SHISA9: variants seen among roughly 807,000 people sequenced by gnomAD.
SHISA9 encodes protein shisa-9.
SHISA9 carries 13 observed loss-of-function variants against 38.0 expected under a neutral mutation model. That is an observed-to-expected ratio of 0.34 (90% confidence interval 0.22 to 0.54). The LOEUF (loss-of-function observed/expected upper bound fraction) is 0.54, where lower values mean the gene tolerates loss of function less well. SHISA9 is among the 20% of genes least tolerant of loss of function. SHISA9 has a pLI of 0.91. For missense variants in SHISA9, 538 were observed against 575.8 expected, an observed-to-expected ratio of 0.93 and a Z score of 0.67; for synonymous variants, 275 against 242.0, an observed-to-expected ratio of 1.14 and a Z score of -1.27.
chr16:13,148,244 C>T (rs2050465115), intron 2 of SHISA9, among the ~76,000 whole-genome samples: 1 of 152,114 alleles, frequency 6.6e-6, no homozygotes, highest in South Asian at 2.1e-4. Flanking sequence ...CCCGAATATA[C>T]ACAAACACAT....
chr16:13,021,916 G>T (rs1403562140), intron 2 of SHISA9, among the ~76,000 whole-genome samples: 2 of 152,198 alleles, frequency 1.3e-5, no homozygotes, highest in Non-Finnish European at 2.9e-5. Flanking sequence ...ACACTGCATG[G>T]TTTTGAAACA....
chr16:13,245,226 A>T (rs943757045), downstream of SHISA9, among the ~76,000 whole-genome samples: 6 of 152,240 alleles, frequency 3.9e-5, no homozygotes, highest in African/African-American at 1.4e-4. Flanking sequence ...CTTATTGCCC[A>T]CATTTATAAT....
intron 2 of SHISA9, among the ~76,000 whole-genome samples, chr16:13,002,569 G>A (rs1226954983): frequency 1.6e-5 from 2 of 128,168 alleles, no homozygotes; most frequent in Non-Finnish European, 3.1e-5. Flanking sequence ...GTCTCACTCT[G>A]TTGCCCAGGC....
At chr16:13,234,289 CTT>C (rs1247161106) in intron 4 of SHISA9, among the ~76,000 whole-genome samples, 1 of 152,122 alleles carries the variant, frequency 6.6e-6, no homozygotes, top group Non-Finnish European at 1.5e-5. Context: ...TAGAAACAAA[CTT>C]ATTTATAATG....
At chr16:13,536,505 T>C in the SHISA9 span, among the ~76,000 whole-genome samples, 5 of 152,122 alleles carry the variant, frequency 3.3e-5, no homozygotes, top group African/African-American at 9.7e-5. Flanking sequence ...TTGTGGAGTA[T>C]AAGAACAAAC....
At chr16:13,270,884 T>C in the SHISA9 span, among the ~76,000 whole-genome samples, 2 of 152,188 alleles carry the variant, frequency 1.3e-5, no homozygotes, top group Non-Finnish European at 2.9e-5. Flanking sequence ...CATCTGGGAA[T>C]CATTTGATAA....
At chr16:13,314,991 G>T in the SHISA9 span, among the ~76,000 whole-genome samples, 2 of 151,522 alleles carry the variant, frequency 1.3e-5, no homozygotes, top group Admixed American at 1.3e-4. Context: ...TCTTACCACA[G>T]CTCCTTATTC....
At chr16:13,401,490 C>T in the SHISA9 span, among the ~76,000 whole-genome samples, 1 of 152,274 alleles carries the variant, frequency 6.6e-6, no homozygotes, top group East Asian at 1.9e-4. Flanking sequence ...GAAGGCCTAA[C>T]CCCCCAGTGG....
intron 2 of SHISA9, among the ~76,000 whole-genome samples, chr16:12,925,135 C>A (rs12596451): frequency 1.3e-5 from 2 of 152,104 alleles, no homozygotes; most frequent in African/African-American, 4.8e-5. Flanking sequence ...TTTCACTCTG[C>A]GTGCCAGTTG....
chr16:13,539,404 G>A, the SHISA9 span, among the ~76,000 whole-genome samples: 16 of 147,284 alleles, frequency 1.1e-4, no homozygotes, highest in East Asian at 2.4e-3. Context: ...TTGAACTCCT[G>A]GCCTCAAGCA....
At chr16:13,249,836 G>A in the SHISA9 span, among the ~76,000 whole-genome samples, 1 of 152,070 alleles carries the variant, frequency 6.6e-6, no homozygotes. Flanking sequence ...AGACTCAAGC[G>A]ATCCCCCAGC....
At chr16:13,013,131 T>G (rs1181551633) in intron 2 of SHISA9, among the ~76,000 whole-genome samples, 2 of 152,202 alleles carry the variant, frequency 1.3e-5, no homozygotes, top group Non-Finnish European at 2.9e-5. Flanking sequence ...GGAGTCTTTC[T>G]GGCAACTTGG....
chr16:13,316,504 A>G, the SHISA9 span, among the ~76,000 whole-genome samples: 1 of 152,230 alleles, frequency 6.6e-6, no homozygotes, highest in African/African-American at 2.4e-5. Context: ...CTGATGTGCT[A>G]CAAGGTGGCA....
chr16:13,211,231 TG>T (rs140323119), intron 3 of SHISA9, among the ~76,000 whole-genome samples: 2,209 of 150,126 alleles, frequency 0.015, 55 homozygotes, highest in African/African-American at 0.053. Context: ...CGGGGGGCAG[TG>T]GGGGTGGAGG....
intron 2 of SHISA9, among the ~76,000 whole-genome samples, chr16:12,943,322 TGTGTGTGTGAGAGAGAGAGA>T (rs2071643223): frequency 4.5e-5 from 1 of 22,118 alleles, no homozygotes; most frequent in African/African-American, 1.6e-4. Context: ...TGTGTGTGTG[TGTGTGTGTGAGAGAGAGAGA>T]GAGAGAGAGA....
At chr16:13,157,020 C>T (rs2050553490) in intron 2 of SHISA9, among the ~76,000 whole-genome samples, 1 of 152,182 alleles carries the variant, frequency 6.6e-6, no homozygotes, top group African/African-American at 2.4e-5. Flanking sequence ...TTCAAGTATG[C>T]ATCAGAGGAT....
chr16:12,999,829 G>A (rs113065836), intron 2 of SHISA9, among the ~76,000 whole-genome samples: 19 of 152,258 alleles, frequency 1.2e-4, no homozygotes, highest in African/African-American at 4.1e-4. Context: ...CCTGCTTCCC[G>A]CAATGCCCTT....
At chr16:13,148,839 T>C (rs1181293570) in intron 2 of SHISA9, among the ~76,000 whole-genome samples, 1 of 152,014 alleles carries the variant, frequency 6.6e-6, no homozygotes, top group Non-Finnish European at 1.5e-5. Context: ...AAAAAAATTT[T>C]AAGTCTAAAA....
chr16:13,134,456 G>A (rs190636189), intron 2 of SHISA9, among the ~76,000 whole-genome samples: 4 of 152,278 alleles, frequency 2.6e-5, no homozygotes, highest in African/African-American at 9.6e-5. Context: ...GGGGAGAGAG[G>A]AGGGGTTATT....
Sources: gnomAD v4.1 joint callset for allele counts (sites outside exome capture counted in the v4.1 genomes callset) on GRCh38, gnomAD v4.1.1 for gene constraint, MANE v1.5 for transcripts, NCBI Gene and HGNC (gene_info 2026-07-23, HGNC 2026-07-21) for gene names.